Variants in CAMTA1 observed in about 807,000 individuals in gnomAD.
The protein encoded by CAMTA1 is calmodulin binding transcription activator 1, also known as calmodulin-binding transcription activator 1.
A neutral mutation model predicts 170.9 loss-of-function variants in CAMTA1; 27 were observed. The ratio of observed to expected loss-of-function variants is 0.16; its 90% CI spans 0.12 to 0.22. The LOEUF (loss-of-function observed/expected upper bound fraction) is 0.22, where lower values mean the gene tolerates loss of function less well. Among genes scored for constraint, CAMTA1 ranks in the 10% least tolerant of loss-of-function variants. CAMTA1 has a pLI of 1.00. For synonymous variants in CAMTA1, 833 were observed against 891.5 expected (o/e 0.93, Z 1.17); for missense variants, 1,619 against 2,217.2 (o/e 0.73, Z 5.42).
intron 5 of CAMTA1, among the ~76,000 whole-genome samples, chr1:7,458,098 C>T (rs2093003659): frequency 6.6e-6 from 1 of 152,152 alleles, no homozygotes; most frequent in African/African-American, 2.4e-5. Context: ...GGGTGGCCAG[C>T]TTTTTGACGT....
intron 7 of CAMTA1, among the ~76,000 whole-genome samples, chr1:7,652,185 C>T (rs2095852606): frequency 6.6e-6 from 1 of 152,192 alleles, no homozygotes; most frequent in South Asian, 2.1e-4. Flanking sequence ...GCACCTCTAA[C>T]CAGGCACAAA....
intron 5 of CAMTA1, among the ~76,000 whole-genome samples, chr1:7,336,426 G>A (rs2083388250): frequency 6.6e-6 from 1 of 152,224 alleles, no homozygotes; most frequent in African/African-American, 2.4e-5. Context: ...ACTTGGGGGT[G>A]ATGAGATGCA....
chr1:7,309,287 ATTTTTTTTTTTTTTTTTTTT>A (rs34401498), intron 5 of CAMTA1, among the ~76,000 whole-genome samples: 1 of 70,462 alleles, frequency 1.4e-5, no homozygotes, highest in African/African-American at 5.2e-5. Context: ...CAGTTAGAAA[ATTTTTTTTTTTTTTTTTTTT>A]TTTTTTTTTT....
intron 3 of CAMTA1, among the ~76,000 whole-genome samples, chr1:6,910,293 G>T (rs1156238549): frequency 6.6e-6 from 1 of 152,188 alleles, no homozygotes; most frequent in Non-Finnish European, 1.5e-5. Flanking sequence ...GTGACCTGCT[G>T]GTTTGAAAGG....
At chr1:7,529,510 A>G (rs1019766509) in intron 6 of CAMTA1, among the ~76,000 whole-genome samples, 1 of 152,200 alleles carries the variant, frequency 6.6e-6, no homozygotes, top group Non-Finnish European at 1.5e-5. Flanking sequence ...CTTGAGGCAC[A>G]GAGAGCTTAA....
At chr1:6,937,275 C>T (rs563006537) in intron 3 of CAMTA1, among the ~76,000 whole-genome samples, 2 of 151,554 alleles carry the variant, frequency 1.3e-5, no homozygotes, top group African/African-American at 4.8e-5. Flanking sequence ...CTACCATCAT[C>T]ACCATCACCA....
intron 6 of CAMTA1, among the ~76,000 whole-genome samples, chr1:7,492,235 A>T (rs2093713862): frequency 1.3e-5 from 2 of 152,202 alleles, no homozygotes; most frequent in Admixed American, 1.3e-4. Flanking sequence ...TTATAGAGTG[A>T]AGTCGGCAGA....
intron 4 of CAMTA1, among the ~76,000 whole-genome samples, chr1:7,106,283 G>C (rs1643580942): frequency 6.6e-6 from 1 of 151,044 alleles, no homozygotes. Flanking sequence ...AAAGAAAGAA[G>C]GAGAAGAAGG....
intron 6 of CAMTA1, among the ~76,000 whole-genome samples, chr1:7,490,169 C>A (rs920207298): frequency 2.6e-5 from 4 of 152,210 alleles, no homozygotes; most frequent in Non-Finnish European, 5.9e-5. Flanking sequence ...CCAGGACCAG[C>A]CTGTCCTCTG....
chr1:7,151,726 G>T (rs939190753), intron 4 of CAMTA1, among the ~76,000 whole-genome samples: 1 of 152,182 alleles, frequency 6.6e-6, no homozygotes, highest in African/African-American at 2.4e-5. Context: ...GACATGGCAG[G>T]CTGCTGGTGC....
Position 7,052,454 on chromosome 1 carries a change from C to G in CAMTA1, c.235-38850C>G, listed in dbSNP as rs541460381. 2.6e-5 allele frequency among the ~76,000 whole-genome samples: 4 copies of G among 152,292 alleles called. 1 individual carries two copies. Among genetic ancestry groups the G allele is most frequent in the South Asian group, 4.1e-4 (2 of 4,828 alleles). ...CCTGGCCTTCTCTGCCCACTCCTCC[C>G]AGTGTCTACAGTCCAGCCACGCCTC... On this transcript the variant is annotated intron_variant, in intron 3 of 22. Transcript: ENST00000303635.
intron 6 of CAMTA1, among the ~76,000 whole-genome samples, chr1:7,505,442 C>T (rs1348268018): frequency 6.6e-6 from 1 of 152,216 alleles, no homozygotes; most frequent in Admixed American, 6.5e-5. Flanking sequence ...TGCCACCCTC[C>T]CCCAGCTCCA....
At chr1:6,900,427 T>A (rs1013913253) in intron 3 of CAMTA1, among the ~76,000 whole-genome samples, 1 of 151,484 alleles carries the variant, frequency 6.6e-6, no homozygotes, top group African/African-American at 2.4e-5. Flanking sequence ...TTTTCTGGAA[T>A]TTTGGACACT....
chr1:7,266,217 A>G (rs914388767), intron 5 of CAMTA1, among the ~76,000 whole-genome samples: 33 of 92,398 alleles, frequency 3.6e-4, no homozygotes, highest in African/African-American at 9.8e-4. Context: ...GGAGGGAACA[A>G]GGAACATGGT....
chr1:7,260,541 A>G (rs947252392), intron 5 of CAMTA1, among the ~76,000 whole-genome samples: 5 of 152,236 alleles, frequency 3.3e-5, no homozygotes, highest in Admixed American at 6.5e-5. Flanking sequence ...GGGCAGGGCT[A>G]GTCCCAGTGA....
intron 3 of CAMTA1, among the ~76,000 whole-genome samples, chr1:7,032,242 G>A (rs557624461): frequency 5.6e-4 from 85 of 152,262 alleles, no homozygotes; most frequent in African/African-American, 1.7e-3. Flanking sequence ...TGGGATTATA[G>A]GCGTGAGCCA....
chr1:7,481,251 A>T (rs930083734), intron 6 of CAMTA1, among the ~76,000 whole-genome samples: 10 of 152,232 alleles, frequency 6.6e-5, no homozygotes, highest in South Asian at 6.2e-4. Context: ...GCAGTTCAAG[A>T]AGTCTCCACG....
intron 4 of CAMTA1, among the ~76,000 whole-genome samples, chr1:7,164,840 G>A (rs1026071682): frequency 6.6e-6 from 1 of 152,198 alleles, no homozygotes; most frequent in African/African-American, 2.4e-5. Flanking sequence ...AACACCAAGA[G>A]AATGATGCAG....
chr1:6,912,525 A>G (rs1679945413), intron 3 of CAMTA1, among the ~76,000 whole-genome samples: 2 of 152,334 alleles, frequency 1.3e-5, no homozygotes, highest in South Asian at 4.1e-4. Context: ...ATTTCTTGGT[A>G]CTTTTCAAAA....
Sources: allele counts gnomAD v4.1 joint callset (sites outside exome capture counted in the v4.1 genomes callset), GRCh38; gene constraint gnomAD v4.1.1; transcripts MANE v1.5; gene names NCBI Gene and HGNC (gene_info 2026-07-23, HGNC 2026-07-21).